Variants in SOX5 observed in about 807,000 individuals in gnomAD.
SOX5 encodes transcription factor SOX-5.
A neutral mutation model predicts 92.0 loss-of-function variants in SOX5; 9 were observed. The ratio of observed to expected loss-of-function variants is 0.10; its 90% CI spans 0.06 to 0.17. The LOEUF is 0.17. Among genes scored for constraint, SOX5 ranks in the 10% least tolerant of loss-of-function variants. The pLI is 1.00. For synonymous variants in SOX5, 344 were observed against 336.3 expected (o/e 1.02, Z -0.25); for missense variants, 642 against 944.5 (o/e 0.68, Z 4.20).
intron 6 of SOX5, among the ~76,000 whole-genome samples, chr12:23,727,798 C>T (rs1567269346): frequency 6.6e-6 from 1 of 152,024 alleles, no homozygotes; most frequent in African/African-American, 2.4e-5. Context: ...TAAAGTGGCT[C>T]CTTCTGAGTA....
chr12:24,540,145 G>A (rs925435698), intron 1 of SOX5, among the ~76,000 whole-genome samples: 5 of 152,056 alleles, frequency 3.3e-5, no homozygotes, highest in African/African-American at 9.7e-5. Context: ...ATGTTCTCAC[G>A]TAAGGACCTT....
intron 1 of SOX5, among the ~76,000 whole-genome samples, chr12:24,399,348 A>G (rs911088557): frequency 6.6e-6 from 1 of 152,236 alleles, no homozygotes; most frequent in African/African-American, 2.4e-5. Flanking sequence ...AAACTTTAAA[A>G]AACCAATACA....
rs1241870897 is a variant in SOX5 at position 24,007,170 on chromosome 12, T to TAA, written c.-1-111147_-1-111146insTT. On this transcript the variant is annotated intron_variant, in intron 4 of 4. Transcript: ENST00000446891. ...ATATATATATATATATACATTTATA[T>TAA]ATGTATTTATATATATAAATGTATA... is the stretch of plus-strand genomic sequence containing the variant. 2.9e-3 allele frequency among the ~76,000 whole-genome samples: 139 copies of TAA among 47,782 alleles called. 13 individuals are homozygous for TAA. The South Asian group carries it at 0.046, about 16-fold the overall frequency. The allele number at this position is 47,782 out of a possible 152,430, so 31.3% of individuals were successfully genotyped here.
intron 2 of SOX5, among the ~76,000 whole-genome samples, chr12:24,355,728 C>T (rs1954753797): frequency 6.6e-6 from 1 of 152,110 alleles, no homozygotes; most frequent in Non-Finnish European, 1.5e-5. Context: ...GGTATGAGTT[C>T]AAAGATTTTA....
At chr12:24,480,493 T>C (rs1021230254) in intron 1 of SOX5, among the ~76,000 whole-genome samples, 5 of 152,112 alleles carry the variant, frequency 3.3e-5, no homozygotes, top group African/African-American at 9.7e-5. Flanking sequence ...GGAGAAAATA[T>C]TTGTAAACTA....
At position 24,061,567 on chromosome 12, in the gene SOX5, G is replaced by T. The variant is rs957489001; in HGVS notation, c.-2+151776C>A. ...ATACCAATGACAACGTTTGCACAAAGTACCAATGATAACGTTTGCACAAAA... is the reference window on the plus strand; with the variant it reads ...ATACCAATGACAACGTTTGCACAAATTACCAATGATAACGTTTGCACAAAA... On this transcript the variant is annotated intron_variant, in intron 4 of 4. Coordinates refer to the SOX5 transcript ENST00000446891. Among the ~76,000 whole-genome samples, 16 of 151,894 alleles carry T rather than the reference G, an allele frequency of 1.1e-4. 1 individual carries two copies. Among genetic ancestry groups the T allele is most frequent in the Non-Finnish European group, 2.4e-4 (16 of 67,996 alleles).
intron 1 of SOX5, among the ~76,000 whole-genome samples, chr12:24,411,638 GAA>G (rs1174163907): frequency 6.6e-6 from 1 of 152,110 alleles, no homozygotes; most frequent in Non-Finnish European, 1.5e-5. Context: ...AGCCAGCCTT[GAA>G]TCCCTTGAAA....
chr12:23,852,309 C>T (rs917071706), intron 2 of SOX5, among the ~76,000 whole-genome samples: 24 of 152,064 alleles, frequency 1.6e-4, no homozygotes, highest in Admixed American at 3.9e-4. Flanking sequence ...ACATAGCACA[C>T]TCTCGGGGCA....
intron 2 of SOX5, among the ~76,000 whole-genome samples, chr12:24,363,145 C>A (rs986845894): frequency 6.6e-6 from 1 of 152,066 alleles, no homozygotes; most frequent in Admixed American, 6.5e-5. Flanking sequence ...GAAATAACAT[C>A]TACTAAATTT....
intron 11 of SOX5, among the ~76,000 whole-genome samples, chr12:23,555,851 A>AGAAAT (rs1462652854): frequency 6.6e-6 from 1 of 152,206 alleles, no homozygotes; most frequent in African/African-American, 2.4e-5. Context: ...CAAAAAGAAA[A>AGAAAT]GAAATAAAGA....
At chr12:23,759,958 C>T (rs528335880) in intron 3 of SOX5, among the ~76,000 whole-genome samples, 69 of 151,812 alleles carry the variant, frequency 4.5e-4, no homozygotes, top group African/African-American at 1.4e-3. Flanking sequence ...AATTTTTGTG[C>T]GTACCCAGTA....
intron 3 of SOX5, among the ~76,000 whole-genome samples, chr12:23,808,717 T>C (rs550238853): frequency 7.2e-5 from 11 of 152,168 alleles, no homozygotes; most frequent in Non-Finnish European, 1.5e-4. Context: ...AACAGTCTTA[T>C]CGTAATCCAT....
chr12:23,771,877 T>C (rs984165619), intron 3 of SOX5, among the ~76,000 whole-genome samples: 2 of 152,218 alleles, frequency 1.3e-5, no homozygotes, highest in Non-Finnish European at 2.9e-5. Context: ...ACAAAGAGGC[T>C]GCTTTAACCC....
At chr12:24,277,152 AT>A (rs1565809477) in intron 3 of SOX5, 1 of 151,834 alleles carries the variant, frequency 6.6e-6, no homozygotes, top group South Asian at 2.1e-4. Context: ...ATAAACTTCC[AT>A]TTTTGTGAAA....
chr12:24,258,620 C>A (rs1941614491), intron 3 of SOX5, among the ~76,000 whole-genome samples: 1 of 152,152 alleles, frequency 6.6e-6, no homozygotes, highest in East Asian at 1.9e-4. Flanking sequence ...ATAAGAATTT[C>A]TCTTGAAGAA....
intron 3 of SOX5, among the ~76,000 whole-genome samples, chr12:23,839,092 G>T (rs1400782941): frequency 6.6e-6 from 1 of 150,876 alleles, no homozygotes; most frequent in Non-Finnish European, 1.5e-5. Context: ...CAGGTGATCT[G>T]CCCGCCTTGG....
At chr12:24,049,944 C>T (rs1231527554) in intron 4 of SOX5, among the ~76,000 whole-genome samples, 2 of 151,888 alleles carry the variant, frequency 1.3e-5, no homozygotes, top group Admixed American at 1.3e-4. Flanking sequence ...CTTCACAGGA[C>T]TCTTGTTTTT....
intron 3 of SOX5, among the ~76,000 whole-genome samples, chr12:23,790,148 C>T (rs915067438): frequency 6.6e-6 from 1 of 152,004 alleles, no homozygotes; most frequent in African/African-American, 2.4e-5. Flanking sequence ...AACTATAAAA[C>T]TGAAAAACAA....
intron 3 of SOX5, among the ~76,000 whole-genome samples, chr12:23,777,849 G>A (rs984114533): frequency 3.9e-5 from 6 of 152,164 alleles, no homozygotes; most frequent in Non-Finnish European, 7.4e-5. Flanking sequence ...TGAGTAAGCT[G>A]ACACATGATA....
Sources: gnomAD v4.1 joint callset for allele counts (sites outside exome capture counted in the v4.1 genomes callset) on GRCh38, gnomAD v4.1.1 for gene constraint, MANE v1.5 for transcripts, NCBI Gene and HGNC (gene_info 2026-07-23, HGNC 2026-07-21) for gene names.